Variants in MYO16 observed in about 807,000 individuals in gnomAD.
The protein encoded by MYO16 is myosin XVI.
Under a neutral mutation model 205.3 loss-of-function variants are expected in MYO16, and 94 were observed. The observed-to-expected ratio is 0.46, with a 90% confidence interval of 0.39 to 0.54. The LOEUF (loss-of-function observed/expected upper bound fraction) is 0.54, where lower values mean the gene tolerates loss of function less well. Ranked by LOEUF, MYO16 falls within the 20% of genes least tolerant of loss-of-function variation. The probability of loss-of-function intolerance (pLI) is 0.00; values close to 1 mark genes in which losing one functional copy is unlikely to be tolerated. For missense variants in MYO16, 2,315 were observed against 2,387.5 expected, an observed-to-expected ratio of 0.97 and a Z score of 0.63; for synonymous variants, 988 against 954.0, an observed-to-expected ratio of 1.04 and a Z score of -0.66.
At chr13:108,737,213 G>T (rs1884735118) in intron 4 of MYO16, among the ~76,000 whole-genome samples, 3 of 152,150 alleles carry the variant, frequency 2.0e-5, no homozygotes, top group Non-Finnish European at 2.9e-5. Context: ...CCTGTCTTGT[G>T]CCAGTTTTTA....
chr13:108,530,574 A>C, the MYO16 span, among the ~76,000 whole-genome samples: 151,415 of 152,322 alleles, frequency 0.99, 75,268 homozygotes, highest in East Asian at 1. Context: ...GTTAATGGAT[A>C]TTGCTTTGCT....
chr13:108,579,444 T>TC, the MYO16 span, among the ~76,000 whole-genome samples: 1 of 149,748 alleles, frequency 6.7e-6, no homozygotes, highest in South Asian at 2.1e-4. Flanking sequence ...GGCAAGAATT[T>TC]TTTTTTTTTT....
At chr13:109,005,552 C>T (rs946084865) in intron 21 of MYO16, among the ~76,000 whole-genome samples, 10 of 152,086 alleles carry the variant, frequency 6.6e-5, no homozygotes, top group Non-Finnish European at 1.5e-4. Flanking sequence ...ATAATAAAGA[C>T]CATGTGCATT....
At chr13:109,031,037 T>C (rs12428268) in intron 23 of MYO16, among the ~76,000 whole-genome samples, 6,532 of 152,272 alleles carry the variant, frequency 0.043, 210 homozygotes, top group Non-Finnish European at 0.064. Flanking sequence ...TCAACACTAA[T>C]TGATGGAATG....
intron 1 of MYO16, among the ~76,000 whole-genome samples, chr13:108,635,133 A>G (rs1880164351): frequency 6.6e-6 from 1 of 152,212 alleles, no homozygotes; most frequent in Admixed American, 6.5e-5. Context: ...ACATTGAATC[A>G]AATGGTATGT....
At chr13:108,875,181 C>T (rs1566383457) in intron 12 of MYO16, among the ~76,000 whole-genome samples, 1 of 152,084 alleles carries the variant, frequency 6.6e-6, no homozygotes. Flanking sequence ...TTTAAAATAT[C>T]CCCTGACCAA....
At chr13:108,914,272 A>G (rs188837510) in intron 16 of MYO16, among the ~76,000 whole-genome samples, 1 of 151,082 alleles carries the variant, frequency 6.6e-6, no homozygotes, top group Admixed American at 6.6e-5. Flanking sequence ...TATATCTACT[A>G]TTATTAAGAA....
intron 15 of MYO16, 57 bp from the exon 16 acceptor site, chr13:108,909,946 T>G: frequency 6.6e-7 from 1 of 1,519,888 alleles, no homozygotes; most frequent in East Asian, 2.3e-5. Flanking sequence ...TGTGTTAATT[T>G]ATGGAAATGA....
intron 2 of MYO16, among the ~76,000 whole-genome samples, chr13:108,666,415 A>C (rs1392435481): frequency 1.3e-5 from 2 of 152,156 alleles, no homozygotes; most frequent in Non-Finnish European, 2.9e-5. Context: ...GCTATCAGTA[A>C]AGCAAGTGAG....
At position 108,945,146 on chromosome 13, in the gene MYO16, C is replaced by T. The variant is rs75821230; in HGVS notation, c.1926-12542C>T. Among the ~76,000 whole-genome samples, 909 of 152,268 alleles carry T rather than the reference C, an allele frequency of 6.0e-3. 8 individuals are homozygous for T. The highest frequency in any genetic ancestry group is 0.02 in the African/African-American group (814 of 41,544). On this transcript the variant is annotated intron_variant, in intron 16 of 34. Transcript: ENST00000457511. ...ATTCTTGTGTAACTTACTTCGATTT[C>T]TCACACTAACATCTCTAAATTAGAA...
intron 30 of MYO16, among the ~76,000 whole-genome samples, chr13:109,126,959 G>T (rs917591508): frequency 3.9e-5 from 6 of 152,226 alleles, no homozygotes; most frequent in African/African-American, 1.4e-4. Context: ...ATCAGAGTGT[G>T]AAGAATTCAT....
chr13:108,676,122 A>C (rs962498165), intron 2 of MYO16, among the ~76,000 whole-genome samples: 1 of 152,168 alleles, frequency 6.6e-6, no homozygotes, highest in Non-Finnish European at 1.5e-5. Context: ...CGTCACCGTG[A>C]GTGTAAATTA....
intron 22 of MYO16, among the ~76,000 whole-genome samples, chr13:109,018,839 CAGTTCCAGTG>C (rs1195396176): frequency 6.6e-6 from 1 of 152,208 alleles, no homozygotes. Context: ...ACTGTCCAAC[CAGTTCCAGTG>C]AGATGAACCA....
chr13:108,700,434 A>G (rs1883262384), intron 2 of MYO16, among the ~76,000 whole-genome samples: 1 of 151,826 alleles, frequency 6.6e-6, no homozygotes, highest in Admixed American at 6.6e-5. Context: ...TCCTTTGACG[A>G]TTGTAGCCAC....
intron 9 of MYO16, among the ~76,000 whole-genome samples, chr13:108,840,866 T>C (rs1877208357): frequency 6.6e-6 from 1 of 152,210 alleles, no homozygotes. Context: ...ATTTTCATTC[T>C]GAAAGCTAAA....
intron 34 of MYO16, among the ~76,000 whole-genome samples, chr13:109,195,511 C>T (rs923070993): frequency 9.2e-5 from 14 of 152,050 alleles, no homozygotes; most frequent in Admixed American, 4.6e-4. Context: ...AAGTAGACTT[C>T]GGTTTTATAG....
At position 109,017,046 on chromosome 13, in the gene MYO16, T is replaced by C. The variant is rs371767139; in HGVS notation, c.2596-2665T>C. ...TTATTTTGCCCATTAGTTGATGCAG[T>C]TTCTTCCTAGCATTGATGGTCTTTA... On this transcript the variant is annotated intron_variant, in intron 22 of 34. Coordinates refer to ENST00000457511, the MANE Select transcript of MYO16 (RefSeq NM_001198950.3). Among the ~76,000 whole-genome samples, 254 of 152,336 alleles carry C rather than the reference T, an allele frequency of 1.7e-3. 10 individuals are homozygous for C. In the South Asian group the frequency reaches 0.05, roughly 30 times the overall value.
At chr13:108,684,546 C>T (rs943629100) in intron 2 of MYO16, among the ~76,000 whole-genome samples, 2 of 152,118 alleles carry the variant, frequency 1.3e-5, no homozygotes, top group African/African-American at 4.8e-5. Flanking sequence ...CACAGAGTTC[C>T]TATCTGAGGC....
chr13:108,844,584 C>T, intron 10 of MYO16, 91 bp downstream of exon 10: 1 of 1,289,826 alleles, frequency 7.8e-7, no homozygotes, highest in Non-Finnish European at 1.0e-6. Flanking sequence ...CAAATGCGCA[C>T]TAATTTGCAT....
Sources: allele counts gnomAD v4.1 joint callset (sites outside exome capture counted in the v4.1 genomes callset), GRCh38; gene constraint gnomAD v4.1.1; transcripts MANE v1.5; gene names NCBI Gene and HGNC (gene_info 2026-07-23, HGNC 2026-07-21).